Variants in WDFY2 observed in about 807,000 individuals in gnomAD.
The protein encoded by WDFY2 is WD repeat and FYVE domain-containing protein 2.
WDFY2 carries 36 observed loss-of-function variants against 56.4 expected under a neutral mutation model. That is an observed-to-expected ratio of 0.64 (90% CI 0.49 to 0.84). WDFY2 has a LOEUF of 0.84. Ranked by LOEUF, WDFY2 falls within the 40% of genes least tolerant of loss-of-function variation. The pLI is 0.00. For missense variants in WDFY2, 444 were observed against 512.2 expected (o/e 0.87, Z 1.29); for synonymous variants, 176 against 183.7 (o/e 0.96, Z 0.34).
chr13:51,756,217 C>G, intron 9 of WDFY2, 115 bp from the exon 10 acceptor site: 1 of 1,447,946 alleles, frequency 6.9e-7, no homozygotes, highest in Non-Finnish European at 9.3e-7. Flanking sequence ...CTCTCTTGTT[C>G]AGCATCCTCA....
intron 9 of WDFY2, among the ~76,000 whole-genome samples, chr13:51,755,712 T>C (rs1953359137): frequency 6.6e-6 from 1 of 152,200 alleles, no homozygotes; most frequent in African/African-American, 2.4e-5. Flanking sequence ...TCTATTGCAG[T>C]GCACCTTACA....
rs780473935 is a variant in WDFY2 at position 51,600,216 on chromosome 13, GGAGA to G, written c.137+15396_137+15399del. On this transcript the variant is annotated intron_variant, in intron 1 of 11. Coordinates refer to ENST00000298125, the MANE Select transcript of WDFY2 (RefSeq NM_052950.4). ...GTGTTGTGTATTAGGTCACACTGAGGGAGAGAGTTACTTTGAAAATCAGTTGTGT... is the reference window on the plus strand; with the variant it reads ...GTGTTGTGTATTAGGTCACACTGAGGGAGTTACTTTGAAAATCAGTTGTGT... 3.9e-4 allele frequency among the ~76,000 whole-genome samples: 59 copies of G among 152,168 alleles called. 1 individual carries two copies. The highest frequency in any genetic ancestry group is 8.8e-5 in the Non-Finnish European group (6 of 68,028).
intron 2 of WDFY2, among the ~76,000 whole-genome samples, chr13:51,674,139 T>C (rs1162137845): frequency 6.6e-6 from 1 of 152,178 alleles, no homozygotes; most frequent in African/African-American, 2.4e-5. Context: ...GTTTCCTATG[T>C]GACCTTGGGT....
intron 1 of WDFY2, among the ~76,000 whole-genome samples, chr13:51,642,026 TAA>T (rs1955177177): frequency 1.3e-5 from 2 of 152,186 alleles, no homozygotes; most frequent in South Asian, 4.1e-4. Flanking sequence ...AAAATTTATC[TAA>T]GAGTCTGAGA....
intron 1 of WDFY2, among the ~76,000 whole-genome samples, chr13:51,616,733 G>GT (rs1954623908): frequency 6.6e-6 from 1 of 152,182 alleles, no homozygotes; most frequent in Non-Finnish European, 1.5e-5. Context: ...AATTTAAGGA[G>GT]GCTGGAAAGT....
At chr13:51,671,776 CTTTTTTTTTTTT>C (rs564584742) in intron 2 of WDFY2, among the ~76,000 whole-genome samples, 4 of 61,998 alleles carry the variant, frequency 6.5e-5, no homozygotes, top group Non-Finnish European at 1.2e-4. Context: ...GTTGCATTTG[CTTTTTTTTTTTT>C]TTTTTTTTTT....
rs1426079376 is a variant in WDFY2 at position 51,739,031 on chromosome 13, T to C, written c.599-18T>C. 4 of 1,557,148 alleles carry C rather than the reference T, an allele frequency of 2.6e-6. No homozygotes were observed. The African/African-American group carries it at 4.1e-5, about 16-fold the overall frequency. On this transcript the variant is annotated intron_variant, in intron 6 of 11. Transcript: ENST00000298125. ...GTCTTACCTTGTGACTGATGTCTGG[T>C]TGTGTCTGTCCTCTCAGGTGGGGTG... is the stretch of plus-strand genomic sequence containing the variant.
chr13:51,584,480 A>T lies in WDFY2; in HGVS notation c.-208A>T. On this transcript the variant is annotated 5_prime_UTR_variant, in exon 1 of 12. Coordinates refer to ENST00000298125, the MANE Select transcript of WDFY2 (RefSeq NM_052950.4). The stretch of plus-strand genomic sequence containing the variant: ...TCCTCTTGTAGTGGCGCCGGCTTGC[A>T]TCCCAGGTCGTGGCGGTTTTGGTGC... 1.3e-5 allele frequency: 8 copies of T among 618,692 alleles called. No homozygotes were observed. The allele number at this position is 618,692 out of a possible 1,614,324, so 38.3% of individuals were successfully genotyped here.
intron 1 of WDFY2, among the ~76,000 whole-genome samples, chr13:51,639,250 A>T (rs564807401): frequency 6.6e-6 from 1 of 152,210 alleles, no homozygotes. Flanking sequence ...GAAAGGCTCA[A>T]TGTGGAAGAA....
chr13:51,677,428 AT>A (rs1235455442), intron 3 of WDFY2, among the ~76,000 whole-genome samples: 3 of 152,260 alleles, frequency 2.0e-5, no homozygotes, highest in African/African-American at 7.2e-5. Context: ...GATCACTGCA[AT>A]AACAGGCTCT....
intron 9 of WDFY2, 105 bp downstream of exon 9, chr13:51,755,564 A>ATAATTTACCCTC: frequency 1.8e-6 from 2 of 1,081,148 alleles, no homozygotes; most frequent in Non-Finnish European, 2.8e-6. Context: ...GGTGAGGGTA[A>ATAATTTACCCTC]ATTATTATCC....
intron 1 of WDFY2, among the ~76,000 whole-genome samples, chr13:51,660,316 C>T (rs2138455867): frequency 6.6e-6 from 1 of 151,812 alleles, no homozygotes; most frequent in East Asian, 1.9e-4. Context: ...CCTGCCTCAG[C>T]CTCCCGAGTA....
At chr13:51,722,026 T>TA (rs1474423969) in intron 5 of WDFY2, among the ~76,000 whole-genome samples, 1 of 128,992 alleles carries the variant, frequency 7.8e-6, no homozygotes, top group Non-Finnish European at 1.6e-5. Flanking sequence ...CCTCCACACT[T>TA]ACAGGGGTTT....
At chr13:51,714,877 G>A (rs1952308764) in intron 4 of WDFY2, among the ~76,000 whole-genome samples, 1 of 152,222 alleles carries the variant, frequency 6.6e-6, no homozygotes, top group South Asian at 2.1e-4. Flanking sequence ...GGGCTAGAGG[G>A]TATAGCCTGT....
chr13:51,614,592 G>T (rs1954574386), intron 1 of WDFY2, among the ~76,000 whole-genome samples: 1 of 152,108 alleles, frequency 6.6e-6, no homozygotes, highest in Non-Finnish European at 1.5e-5. Flanking sequence ...TGCTTTCCAG[G>T]CAGGAAGGAG....
intron 1 of WDFY2, among the ~76,000 whole-genome samples, chr13:51,643,515 AATG>A (rs1238612306): frequency 6.6e-6 from 1 of 152,188 alleles, no homozygotes; most frequent in African/African-American, 2.4e-5. Flanking sequence ...TTATTCCTCT[AATG>A]ATATCATCCC....
chr13:51,666,765 G>A (rs868693206), intron 2 of WDFY2, among the ~76,000 whole-genome samples: 1 of 151,908 alleles, frequency 6.6e-6, no homozygotes, highest in Non-Finnish European at 1.5e-5. Context: ...TTGCTTATTT[G>A]TATTGTTTGG....
intron 1 of WDFY2, among the ~76,000 whole-genome samples, chr13:51,636,636 C>T (rs952384678): frequency 6.6e-6 from 1 of 152,140 alleles, no homozygotes; most frequent in Non-Finnish European, 1.5e-5. Flanking sequence ...ACAAGGCAAA[C>T]GTTCAAGAGG....
intron 3 of WDFY2, among the ~76,000 whole-genome samples, chr13:51,692,991 T>A (rs1194786783): frequency 6.6e-6 from 1 of 152,212 alleles, no homozygotes; most frequent in South Asian, 2.1e-4. Flanking sequence ...TAGAGGTGTT[T>A]GTAGTATTCT....
Sources: allele counts gnomAD v4.1 joint callset (sites outside exome capture counted in the v4.1 genomes callset), GRCh38; gene constraint gnomAD v4.1.1; transcripts MANE v1.5; gene names NCBI Gene and HGNC (gene_info 2026-07-23, HGNC 2026-07-21).